ADAMTS19: variants seen among roughly 807,000 people sequenced by gnomAD.
ADAMTS19 encodes A disintegrin and metalloproteinase with thrombospondin motifs 19.
Under a neutral mutation model 153.3 loss-of-function variants are expected in ADAMTS19, and 93 were observed. The observed-to-expected ratio is 0.61, with a 90% confidence interval of 0.51 to 0.72. ADAMTS19 has a LOEUF of 0.72. ADAMTS19 is among the 30% of genes least tolerant of loss of function. ADAMTS19 has a pLI of 0.00. For synonymous variants in ADAMTS19, 600 were observed against 556.6 expected (o/e 1.08, Z -1.10); for missense variants, 1,482 against 1,552.1 (o/e 0.95, Z 0.76).
intron 2 of ADAMTS19, among the ~76,000 whole-genome samples, chr5:129,478,500 T>C (rs957055493): frequency 6.6e-6 from 1 of 152,160 alleles, no homozygotes; most frequent in Admixed American, 6.6e-5. Flanking sequence ...CATTCTCCTT[T>C]TAATCATACC....
Position 129,508,682 on chromosome 5 carries a change from A to G in ADAMTS19, c.748-395A>G, listed in dbSNP as rs115641794. ...TATGTTATATGAATTACTTTATTAAATAATGACTGTCAAAAATTTGGACTG... is the reference window on the plus strand; with the variant it reads ...TATGTTATATGAATTACTTTATTAAGTAATGACTGTCAAAAATTTGGACTG... On this transcript the variant is annotated intron_variant, in intron 2 of 22. Coordinates refer to ENST00000274487, the MANE Select transcript of ADAMTS19 (RefSeq NM_133638.6). Among the ~76,000 whole-genome samples, 1,513 of 152,006 alleles carry G rather than the reference A, an allele frequency of 1.0e-2. 27 individuals are homozygous for G. Among genetic ancestry groups the G allele is most frequent in the African/African-American group, 0.033 (1,384 of 41,374 alleles).
chr5:129,609,957 T>G (rs1276897234), intron 8 of ADAMTS19, among the ~76,000 whole-genome samples: 2 of 152,142 alleles, frequency 1.3e-5, no homozygotes, highest in Non-Finnish European at 2.9e-5. Context: ...TGTAGCATAT[T>G]TGGTGTTTCT....
intron 10 of ADAMTS19, among the ~76,000 whole-genome samples, chr5:129,635,776 A>T (rs2127009605): frequency 6.6e-6 from 1 of 152,270 alleles, no homozygotes; most frequent in South Asian, 2.1e-4. Context: ...CAGGAAAAAT[A>T]TTTAATGGGT....
At chr5:129,535,738 A>G (rs1051219739) in intron 6 of ADAMTS19, among the ~76,000 whole-genome samples, 2 of 152,184 alleles carry the variant, frequency 1.3e-5, no homozygotes, top group African/African-American at 4.8e-5. Flanking sequence ...AACAGAACAG[A>G]GCCCTCAGAA....
chr5:129,635,596 T>G (rs185230554), intron 10 of ADAMTS19, among the ~76,000 whole-genome samples: 134 of 152,292 alleles, frequency 8.8e-4, no homozygotes, highest in Middle Eastern at 3.4e-3. Context: ...GATAATGTCT[T>G]TTGCAGCAAC....
chr5:129,658,258 C>T (rs911649297), intron 14 of ADAMTS19, among the ~76,000 whole-genome samples: 1 of 149,030 alleles, frequency 6.7e-6, no homozygotes, highest in Admixed American at 6.8e-5. Context: ...TGCACTCCAG[C>T]CTAGGTGACA....
At chr5:129,690,612 A>G (rs918437326) in intron 18 of ADAMTS19, among the ~76,000 whole-genome samples, 1 of 152,210 alleles carries the variant, frequency 6.6e-6, no homozygotes, top group African/African-American at 2.4e-5. Context: ...ATGTAAAAAA[A>G]GGATAAAAAG....
At chr5:129,482,792 G>A (rs1750458743) in intron 2 of ADAMTS19, among the ~76,000 whole-genome samples, 1 of 152,084 alleles carries the variant, frequency 6.6e-6, no homozygotes, top group Non-Finnish European at 1.5e-5. Context: ...ACATTTCTAT[G>A]TTCACAGTAT....
At chr5:129,717,076 T>C (rs1756763687) in intron 21 of ADAMTS19, among the ~76,000 whole-genome samples, 1 of 152,202 alleles carries the variant, frequency 6.6e-6, no homozygotes, top group Admixed American at 6.5e-5. Flanking sequence ...GAGTACCTAG[T>C]TTCTCAAAGG....
At chr5:129,633,148 A>T (rs940136653) in intron 10 of ADAMTS19, among the ~76,000 whole-genome samples, 1 of 152,046 alleles carries the variant, frequency 6.6e-6, no homozygotes, top group Admixed American at 6.6e-5. Context: ...TATCATTTCC[A>T]TCCTGCTCAA....
At chr5:129,648,190 C>T (rs55678822) in intron 12 of ADAMTS19, among the ~76,000 whole-genome samples, 3,420 of 152,138 alleles carry the variant, frequency 0.022, 52 homozygotes, top group East Asian at 0.034. Context: ...TGAACATTTA[C>T]AGGAACTGGG....
chr5:129,461,684 G>A lies in ADAMTS19; in HGVS notation c.674G>A (p.Gly225Asp), dbSNP rs1340406585. Residue 225 changes from glycine to aspartate, a missense_variant, in exon 2 of 23, where the codon GGC becomes GAC. By Grantham distance (94) the Gly-to-Asp change is moderately conservative. Transcript: ENST00000274487. The surrounding 1 kb of genome is among the most constrained non-coding windows in gnomAD (Gnocchi z 4.6). ...CAACCTCCCGCGCCACCAGACGCAG[G>A]CTGCTTCTACACCGGAGCTGTGCTG... is the stretch of plus-strand genomic sequence containing the variant. The part of the protein sequence containing the change: ...APQPPAPPDA[G>D]CFYTGAVLRH... The A allele has an allele frequency of 6.3e-7, 1 of 1,578,320 alleles. No homozygotes were observed. The highest frequency in any genetic ancestry group is 8.6e-7 in the Non-Finnish European group (1 of 1,168,068).
chr5:129,615,777 C>T (rs930675303), intron 8 of ADAMTS19, among the ~76,000 whole-genome samples: 1 of 151,794 alleles, frequency 6.6e-6, no homozygotes, highest in Non-Finnish European at 1.5e-5. Context: ...TGAAAAGGGG[C>T]AGATAAGTAA....
chr5:129,680,042 A>T, intron 17 of ADAMTS19, 121 bp downstream of exon 17: 1 of 1,137,466 alleles, frequency 8.8e-7, no homozygotes, highest in Non-Finnish European at 1.2e-6. Flanking sequence ...AAAATTATTT[A>T]AAAAGTGGAA....
At chr5:129,602,822 T>TTC (rs1364241076) in intron 8 of ADAMTS19, among the ~76,000 whole-genome samples, 46 of 122,086 alleles carry the variant, frequency 3.8e-4, no homozygotes, top group East Asian at 3.5e-3. Flanking sequence ...TTGTCTTATA[T>TTC]TCTCTGTGTG....
In ADAMTS19 at chr5:129,461,426, C is replaced by G. The variant is rs1163976680; in HGVS notation, c.416C>G (p.Ser139Cys). ...GGATCCAGCGGGGCTGCCGCCTTGT[C>G]CCCGGGCGCCCCGGCCTCGTGGCAG... ...PRGSSGAAAL[S>C]PGAPASWQPP... The change falls in exon 2 of 23, where the codon TCC becomes TGC. Residue 139 changes from serine to cysteine, a missense_variant. Transcript: ENST00000274487. The surrounding 1 kb of genome is among the most constrained non-coding windows in gnomAD (Gnocchi z 4.6). 2.1e-5 allele frequency: 29 copies of G among 1,397,348 alleles called. No homozygotes were observed. Among genetic ancestry groups the G allele is most frequent in the Non-Finnish European group, 2.5e-5 (27 of 1,088,404 alleles). The allele number at this position is 1,397,348 out of a possible 1,614,324, so 86.6% of individuals were successfully genotyped here. A position where few individuals can be genotyped will look rare whatever the true frequency, so the allele number is the denominator to read the frequency against.
chr5:129,717,226 C>T (rs1026325491), intron 21 of ADAMTS19, among the ~76,000 whole-genome samples: 1 of 152,014 alleles, frequency 6.6e-6, no homozygotes, highest in Non-Finnish European at 1.5e-5. Flanking sequence ...ATCTCAGCAA[C>T]CAGAACATTG....
In ADAMTS19 at chr5:129,662,190, C is replaced by A. The variant is rs183979450; in HGVS notation, c.2426-3309C>A. 2.2e-3 allele frequency among the ~76,000 whole-genome samples: 328 copies of A among 152,234 alleles called. 1 individual carries two copies. Among genetic ancestry groups the A allele is most frequent in the Middle Eastern group, 6.8e-3 (2 of 294 alleles). ...TATGGCGTTTGTTACTTCGCTGTTG[C>A]CATGAAGATGAAGATTGCTATCAAC... On this transcript the variant is annotated intron_variant, in intron 15 of 22. Transcript: ENST00000274487.
chr5:129,461,490 G>C lies in ADAMTS19; in HGVS notation c.480G>C (p.Pro160=), dbSNP rs1195795971. 9.4e-6 allele frequency: 14 copies of C among 1,490,548 alleles called. No homozygotes were observed. The highest frequency in any genetic ancestry group is 2.3e-5 in the Admixed American group (1 of 43,932). 92.3% of individuals were successfully genotyped at this position (1,490,548 alleles called of 1,614,324 possible). Reference sequence around the variant, plus strand: ...CGCAGCCGCCCCCGTCCCCGCCCCCGGCCCAGCATGCCGAGCCGGATGGCG... The same window carrying C: ...CGCAGCCGCCCCCGTCCCCGCCCCCCGCCCAGCATGCCGAGCCGGATGGCG... ...PPPQPPPSPP[P]AQHAEPDGDE... The change falls in exon 2 of 23, where the codon CCG becomes CCC. Residue 160 remains proline (P), a synonymous_variant. Coordinates refer to ENST00000274487, the MANE Select transcript of ADAMTS19 (RefSeq NM_133638.6). The surrounding 1 kb of genome is among the most constrained non-coding windows in gnomAD (Gnocchi z 4.6).
Sources: allele counts gnomAD v4.1 joint callset (sites outside exome capture counted in the v4.1 genomes callset), GRCh38; gene constraint gnomAD v4.1.1; non-coding constraint Gnocchi (gnomAD v3.1); transcripts MANE v1.5; gene names NCBI Gene and HGNC (gene_info 2026-07-23, HGNC 2026-07-21).